VPS13B: variants seen among roughly 807,000 people sequenced by gnomAD.
VPS13B encodes vacuolar protein sorting 13 homolog B.
In VPS13B, 285 loss-of-function variants were observed where a neutral mutation model predicts 426.4. The observed-to-expected ratio is 0.67, with a 90% CI of 0.61 to 0.74. The LOEUF (loss-of-function observed/expected upper bound fraction) is 0.74, where lower values mean the gene tolerates loss of function less well. VPS13B is among the 30% of genes least tolerant of loss of function. The probability of loss-of-function intolerance (pLI) is 0.00; values close to 1 mark genes in which losing one functional copy is unlikely to be tolerated. For missense variants in VPS13B, 4,537 were observed against 4,782.6 expected (o/e 0.95, Z 1.51); for synonymous variants, 1,676 against 1,676.4 (o/e 1.00, Z 0.01).
intron 3 of VPS13B, among the ~76,000 whole-genome samples, chr8:99,043,602 T>C (rs78277436): frequency 0.049 from 7,472 of 152,196 alleles, 206 homozygotes; most frequent in African/African-American, 0.071. Context: ...ATATAATCAT[T>C]TGTGGTCCTC....
At chr8:99,863,245 G>GT (rs1816922042) in intron 58 of VPS13B, among the ~76,000 whole-genome samples, 1 of 152,164 alleles carries the variant, frequency 6.6e-6, no homozygotes, top group Admixed American at 6.5e-5. Flanking sequence ...CAAATGAACT[G>GT]TAAGAGTTGC....
At chr8:99,069,920 T>G (rs1321331049) in intron 3 of VPS13B, among the ~76,000 whole-genome samples, 1 of 152,210 alleles carries the variant, frequency 6.6e-6, no homozygotes, top group Non-Finnish European at 1.5e-5. Context: ...AAAAACAATT[T>G]TAGACAAGAT....
intron 19 of VPS13B, among the ~76,000 whole-genome samples, chr8:99,306,623 G>T (rs1820650744): frequency 6.6e-6 from 1 of 152,034 alleles, no homozygotes; most frequent in Non-Finnish European, 1.5e-5. Flanking sequence ...TGAATAAATT[G>T]GAGTAGTTTT....
intron 43 of VPS13B, among the ~76,000 whole-genome samples, chr8:99,804,644 T>G (rs567511203): frequency 5.3e-4 from 80 of 152,284 alleles, no homozygotes; most frequent in Non-Finnish European, 7.6e-4. Context: ...AAATATTTAT[T>G]GAATGCCTGC....
intron 29 of VPS13B, among the ~76,000 whole-genome samples, chr8:99,515,383 G>C (rs1252082055): frequency 6.6e-6 from 1 of 151,626 alleles, no homozygotes; most frequent in Non-Finnish European, 1.5e-5. Flanking sequence ...TGCTGCTGCT[G>C]CTGCTGCTGC....
chr8:99,610,300 T>C (rs944534764), intron 33 of VPS13B, among the ~76,000 whole-genome samples: 3 of 152,174 alleles, frequency 2.0e-5, no homozygotes, highest in African/African-American at 7.2e-5. Flanking sequence ...CATATGTTCA[T>C]TGCAGCACTA....
intron 19 of VPS13B, among the ~76,000 whole-genome samples, chr8:99,331,089 A>T (rs1366375850): frequency 1.3e-5 from 2 of 151,862 alleles, no homozygotes; most frequent in African/African-American, 4.8e-5. Context: ...ATTTTTTAAT[A>T]TTCTTTTCGG....
At chr8:99,671,246 C>G (rs1253685752) in intron 35 of VPS13B, among the ~76,000 whole-genome samples, 2 of 151,984 alleles carry the variant, frequency 1.3e-5, no homozygotes, top group African/African-American at 4.8e-5. Context: ...ATATTGAGCC[C>G]TTTTTCATAT....
At chr8:99,104,683 G>T (rs554528662) in intron 5 of VPS13B, among the ~76,000 whole-genome samples, 1 of 151,714 alleles carries the variant, frequency 6.6e-6, no homozygotes, top group Admixed American at 6.6e-5. Context: ...GAGTGCAGTG[G>T]TGCTACCTTG....
At position 99,696,255 on chromosome 8, in the gene VPS13B, A is replaced by G. The variant is rs540495954; in HGVS notation, c.6047-3270A>G. 1.5e-5 allele frequency: 3 copies of G among 195,142 alleles called. No homozygotes were observed. The Admixed American group carries it at 1.7e-4, about 11-fold the overall frequency. 12.1% of individuals were successfully genotyped at this position (195,142 alleles called of 1,614,324 possible). ...CTCAAGTCCTTCAAGGACAAGAACA[A>G]GAAGCTTGAGGAAGGCGGCCAAGTG... On this transcript the variant is annotated intron_variant, in intron 35 of 61. Coordinates refer to ENST00000357162, the MANE Select transcript of VPS13B (RefSeq NM_152564.5).
At chr8:99,333,530 T>A (rs3103729) in intron 19 of VPS13B, among the ~76,000 whole-genome samples, 111,019 of 151,652 alleles carry the variant, frequency 0.73, 41,228 homozygotes, top group Middle Eastern at 0.83. Context: ...TGTGTTTGTA[T>A]GTATTTAATT....
chr8:99,511,938 G>T (rs182552365), intron 29 of VPS13B, among the ~76,000 whole-genome samples: 1 of 152,286 alleles, frequency 6.6e-6, no homozygotes, highest in East Asian at 1.9e-4. Flanking sequence ...AGGAGTTTCA[G>T]ACCAGCCTGG....
At chr8:99,205,219 C>G (rs1164796612) in intron 17 of VPS13B, among the ~76,000 whole-genome samples, 2 of 152,028 alleles carry the variant, frequency 1.3e-5, no homozygotes, top group Non-Finnish European at 2.9e-5. Flanking sequence ...ATAGATGGAG[C>G]TAGAAACCAT....
intron 25 of VPS13B, among the ~76,000 whole-genome samples, chr8:99,483,492 A>G (rs756642197): frequency 2.0e-5 from 3 of 152,188 alleles, no homozygotes; most frequent in African/African-American, 4.8e-5. Flanking sequence ...CTTAACCAAA[A>G]GTTCATCTTT....
intron 19 of VPS13B, among the ~76,000 whole-genome samples, chr8:99,380,851 A>G (rs1440852358): frequency 6.6e-6 from 1 of 150,636 alleles, no homozygotes; most frequent in Non-Finnish European, 1.5e-5. Context: ...GTAGCCCCCT[A>G]CCATCAGGCA....
intron 54 of VPS13B, among the ~76,000 whole-genome samples, chr8:99,844,782 C>T (rs183733647): frequency 5.3e-5 from 8 of 152,324 alleles, no homozygotes; most frequent in African/African-American, 1.2e-4. Flanking sequence ...CACAAACATT[C>T]AGACCATAGC....
intron 21 of VPS13B, among the ~76,000 whole-genome samples, chr8:99,394,149 T>G (rs1260965425): frequency 6.6e-6 from 1 of 152,148 alleles, no homozygotes; most frequent in African/African-American, 2.4e-5. Context: ...AAAATACACA[T>G]TTTATTTTTT....
chr8:99,560,232 G>A (rs1824833136), intron 31 of VPS13B, among the ~76,000 whole-genome samples: 1 of 152,122 alleles, frequency 6.6e-6, no homozygotes, highest in Non-Finnish European at 1.5e-5. Flanking sequence ...GAATAGGAAT[G>A]CTTGTGATTT....
chr8:99,579,352 C>G (rs1437055026), intron 33 of VPS13B, among the ~76,000 whole-genome samples: 1 of 152,214 alleles, frequency 6.6e-6, no homozygotes, highest in East Asian at 1.9e-4. Flanking sequence ...TTTGAAAGGG[C>G]TAGTTGATTG....
Sources: gnomAD v4.1 joint callset for allele counts (sites outside exome capture counted in the v4.1 genomes callset) on GRCh38, gnomAD v4.1.1 for gene constraint, MANE v1.5 for transcripts, NCBI Gene and HGNC (gene_info 2026-07-23, HGNC 2026-07-21) for gene names.